The following MEF2C variants were observed in gnomAD, a reference collection of about 807,000 sequenced individuals.
The protein encoded by MEF2C is myocyte-specific enhancer factor 2C.
In MEF2C, 6 loss-of-function variants were observed where a neutral mutation model predicts 50.5. That is an observed-to-expected ratio of 0.12 (90% CI 0.07 to 0.23). MEF2C has a LOEUF of 0.23. MEF2C is among the 10% of genes least tolerant of loss of function. The pLI is 1.00. For missense variants in MEF2C, 276 were observed against 605.0 expected (o/e 0.46, Z 5.70); for synonymous variants, 183 against 228.0 (o/e 0.80, Z 1.78).
chr5:88,741,064 A>C (rs957987111), intron 6 of MEF2C: 20 of 985,338 alleles, frequency 2.0e-5, no homozygotes, highest in Admixed American at 6.2e-5. Flanking sequence ...GTTGCACTGT[A>C]CTGTACTGCT....
intron 3 of MEF2C, among the ~76,000 whole-genome samples, chr5:88,783,934 T>TA (rs1333150529): frequency 6.6e-6 from 1 of 152,204 alleles, no homozygotes; most frequent in Non-Finnish European, 1.5e-5. Context: ...ATTGCTTGAA[T>TA]AAAACAAAAT....
chr5:88,735,294 G>T, intron 6 of MEF2C: 1 of 985,378 alleles, frequency 1.0e-6, no homozygotes, highest in South Asian at 4.7e-5. Context: ...AGGGGTCCGG[G>T]AGGTGGGAAA....
intron 3 of MEF2C, among the ~76,000 whole-genome samples, chr5:88,793,436 A>T (rs1256457492): frequency 2.0e-5 from 3 of 152,140 alleles, no homozygotes; most frequent in Admixed American, 6.5e-5. Context: ...CAACTTAAGG[A>T]CTGAGAGTCC....
chr5:88,743,754 A>G, intron 6 of MEF2C: 1 of 985,336 alleles, frequency 1.0e-6, no homozygotes, highest in Non-Finnish European at 1.2e-6. Flanking sequence ...GCCACCATCA[A>G]CTCTCCATGT....
intron 6 of MEF2C, chr5:88,741,685 G>GCTTTTTCCTCCTTATA (rs1380787944): frequency 1.0e-6 from 1 of 978,680 alleles, no homozygotes; most frequent in Non-Finnish European, 1.2e-6. Context: ...GTATAGCAGG[G>GCTTTTTCCTCCTTATA]CTTTTTCCTC....
chr5:88,850,304 T>A (rs1286168920), intron 1 of MEF2C, among the ~76,000 whole-genome samples: 1 of 152,224 alleles, frequency 6.6e-6, no homozygotes, highest in African/African-American at 2.4e-5. Context: ...TATTAGTTCA[T>A]CTAATCTCCA....
At chr5:88,745,043 C>CT (rs1427209851) in intron 6 of MEF2C, among the ~76,000 whole-genome samples, 2 of 152,128 alleles carry the variant, frequency 1.3e-5, no homozygotes, top group Non-Finnish European at 2.9e-5. Context: ...AAGGGTATAT[C>CT]TTTTTTTATT....
intron 10 of MEF2C, among the ~76,000 whole-genome samples, chr5:88,723,271 G>A (rs182606644): frequency 6.6e-6 from 1 of 152,224 alleles, no homozygotes; most frequent in Admixed American, 6.5e-5. Flanking sequence ...CCCTAGACTA[G>A]TTCTAAAAAT....
chr5:88,802,038 T>C (rs1284596227), intron 3 of MEF2C, among the ~76,000 whole-genome samples: 3 of 152,222 alleles, frequency 2.0e-5, no homozygotes, highest in African/African-American at 7.2e-5. Flanking sequence ...CACAATGTGT[T>C]AGACTTACAT....
chr5:88,885,877 C>A (rs576674438), upstream of MEF2C, among the ~76,000 whole-genome samples: 2 of 152,132 alleles, frequency 1.3e-5, no homozygotes, highest in East Asian at 3.9e-4. Context: ...TTTCTGTTTA[C>A]CACAGTACAC....
chr5:88,751,499 T>TAG (rs1772724917), intron 5 of MEF2C: 2 of 985,362 alleles, frequency 2.0e-6, no homozygotes, highest in South Asian at 4.7e-5. Context: ...ACAGAAGTGG[T>TAG]AGCTTGGCCA....
At chr5:88,731,951 CGTTTCCGAAGAATACACAACATGA>C in intron 6 of MEF2C, 50 bp from the exon 7 acceptor site, 1 of 1,524,864 alleles carries the variant, frequency 6.6e-7, no homozygotes, top group South Asian at 1.2e-5. Context: ...AGGTCAAATA[CGTTTCCGAAGAATACACAACATGA>C]GAATAAAAAC....
intron 3 of MEF2C, among the ~76,000 whole-genome samples, chr5:88,778,433 A>G (rs919170217): frequency 6.6e-6 from 1 of 152,166 alleles, no homozygotes; most frequent in East Asian, 1.9e-4. Context: ...CTTCTCTTCA[A>G]TTTGCTTGAG....
At chr5:88,826,424 G>C (rs981286361) in intron 1 of MEF2C, among the ~76,000 whole-genome samples, 2 of 151,932 alleles carry the variant, frequency 1.3e-5, no homozygotes, top group African/African-American at 4.8e-5. Context: ...CACGTGCAGA[G>C]TAATATGTGG....
At chr5:88,764,756 C>T (rs1369223537) in intron 3 of MEF2C, among the ~76,000 whole-genome samples, 2 of 136,422 alleles carry the variant, frequency 1.5e-5, no homozygotes, top group East Asian at 2.1e-4. Flanking sequence ...TGCAGTGAGC[C>T]GAGATCACAC....
At chr5:88,869,260 T>G (rs975118377) in intron 1 of MEF2C, among the ~76,000 whole-genome samples, 2 of 62,132 alleles carry the variant, frequency 3.2e-5, no homozygotes, top group Non-Finnish European at 6.1e-5. Flanking sequence ...TTCATATATA[T>G]ATATATATAT....
chr5:88,858,410 CT>C (rs1373896896), intron 1 of MEF2C, among the ~76,000 whole-genome samples: 1 of 152,206 alleles, frequency 6.6e-6, no homozygotes, highest in East Asian at 1.9e-4. Flanking sequence ...AATTCATTTG[CT>C]CATTAATTTA....
At chr5:88,861,574 CACTT>C (rs771614902) in intron 1 of MEF2C, among the ~76,000 whole-genome samples, 1 of 152,176 alleles carries the variant, frequency 6.6e-6, no homozygotes, top group Non-Finnish European at 1.5e-5. Flanking sequence ...GACAACCTGA[CACTT>C]AATAGATTTA....
At chr5:88,785,992 T>C (rs1266160649) in intron 3 of MEF2C, among the ~76,000 whole-genome samples, 12 of 152,228 alleles carry the variant, frequency 7.9e-5, no homozygotes, top group Admixed American at 7.9e-4. Context: ...CTCAGCCTTC[T>C]ATTCCACGCC....
Sources: gnomAD v4.1 joint callset for allele counts (sites outside exome capture counted in the v4.1 genomes callset) on GRCh38, gnomAD v4.1.1 for gene constraint, MANE v1.5 for transcripts, NCBI Gene and HGNC (gene_info 2026-07-23, HGNC 2026-07-21) for gene names.